CASK: variants seen among roughly 807,000 people sequenced by gnomAD.
The protein encoded by CASK is peripheral plasma membrane protein CASK.
Under a neutral mutation model 82.9 loss-of-function variants are expected in CASK, and 4 were observed. The ratio of observed to expected loss-of-function variants is 0.05; its 90% confidence interval spans 0.02 to 0.11. CASK has a LOEUF of 0.11. Among genes scored for constraint, CASK ranks in the 10% least tolerant of loss-of-function variants. The pLI is 1.00. For synonymous variants in CASK, 259 were observed against 253.5 expected, an observed-to-expected ratio of 1.02 and a Z score of -0.20; for missense variants, 358 against 720.9, an observed-to-expected ratio of 0.50 and a Z score of 5.76.
intron 5 of CASK, chrX:41,695,840 G>A (rs768259804): frequency 1.5e-5 from 18 of 1,201,361 alleles, no homozygotes; most frequent in Non-Finnish European, 1.9e-5. Flanking sequence ...TCGTGGGACT[G>A]GTTGGGAACA....
rs1488910840 is a variant in CASK at position 41,804,666 on chromosome X, G to A, written c.173-17383C>T. Among the ~76,000 whole-genome samples the A allele has an allele frequency of 3.6e-5, 4 of 111,364 alleles. No individual in the cohort carries two copies. The East Asian group carries it at 1.1e-3, about 31-fold the overall frequency. ...TGTAAGTAGTTCAACACAGGTCCTG[G>A]CTCTCTTCTTTTTTGGGAAGGGTTA... On this transcript the variant is annotated intron_variant, in intron 2 of 26. Transcript: ENST00000378163.
At chrX:41,864,865 C>T (rs1012368647) in intron 1 of CASK, among the ~76,000 whole-genome samples, 1 of 111,910 alleles carries the variant, frequency 8.9e-6, no homozygotes, top group African/African-American at 3.3e-5. Flanking sequence ...AGCATGCAAA[C>T]GAAATAACCA....
At chrX:41,715,281 T>C (rs989299251) in intron 5 of CASK, among the ~76,000 whole-genome samples, 1 of 111,439 alleles carries the variant, frequency 9.0e-6, no homozygotes, top group African/African-American at 3.3e-5. Flanking sequence ...CCTATGGAAA[T>C]TTGAGGAGTG....
At chrX:41,639,456 C>T (rs1044741934) in intron 8 of CASK, among the ~76,000 whole-genome samples, 1 of 92,209 alleles carries the variant, frequency 1.1e-5, no homozygotes, top group Non-Finnish European at 2.2e-5. Context: ...AAAAAAAAAG[C>T]GGGAAGACTA....
chrX:41,836,284 A>T (rs2070926078), intron 2 of CASK, among the ~76,000 whole-genome samples: 2 of 112,374 alleles, frequency 1.8e-5, no homozygotes, highest in Admixed American at 1.9e-4. Flanking sequence ...TAATTAAATG[A>T]CTATTATGAT....
At chrX:41,736,273 T>C (rs961210005) in intron 5 of CASK, among the ~76,000 whole-genome samples, 2 of 111,901 alleles carry the variant, frequency 1.8e-5, no homozygotes, top group African/African-American at 6.5e-5. Flanking sequence ...GGTAAGAAGA[T>C]TGCTTAAGCC....
chrX:41,660,922 A>C (rs954969133), intron 7 of CASK, among the ~76,000 whole-genome samples: 56 of 112,472 alleles, frequency 5.0e-4, no homozygotes, highest in African/African-American at 1.7e-3. Context: ...AAAATTTTTA[A>C]AGAAATATTT....
rs565066105 is a variant in CASK at position 41,530,868 on chromosome X, G to A, written c.2520+139C>T. 8.1e-5 allele frequency: 45 copies of A among 554,781 alleles called. No homozygotes were observed. The Admixed American group carries it at 9.6e-4, about 12-fold the overall frequency. The allele number at this position is 554,781 out of a possible 1,213,427, so 45.7% of individuals were successfully genotyped here. A position where few individuals can be genotyped will look rare whatever the true frequency, so the allele number is the denominator to read the frequency against. On this transcript the variant is annotated intron_variant, in intron 25 of 26. Transcript: ENST00000378163. ...GCATTCTAGACTGTGAACCCCCAAC[G>A]CCTCCATTACTGATACTTTTCTGTG...
chrX:41,867,947 A>C (rs1164738323), intron 1 of CASK, among the ~76,000 whole-genome samples: 2 of 112,400 alleles, frequency 1.8e-5, no homozygotes. Context: ...ACCAGAAAAT[A>C]TCATTAAATG....
intron 5 of CASK, among the ~76,000 whole-genome samples, chrX:41,705,019 G>A: frequency 8.9e-6 from 1 of 112,214 alleles, no homozygotes; most frequent in Non-Finnish European, 1.9e-5. Flanking sequence ...AAATGGAATG[G>A]CTAGAAGCTG....
chrX:41,565,159 A>C (rs1440532394), intron 16 of CASK, among the ~76,000 whole-genome samples: 3 of 112,010 alleles, frequency 2.7e-5, no homozygotes, highest in Non-Finnish European at 5.6e-5. Flanking sequence ...ACACCCTAGC[A>C]TCACGATTAA....
At chrX:41,662,255 A>G (rs1234984242) in intron 7 of CASK, among the ~76,000 whole-genome samples, 4 of 111,869 alleles carry the variant, frequency 3.6e-5, no homozygotes, top group African/African-American at 1.3e-4. Flanking sequence ...ATGACATTAC[A>G]CTTCTTATAT....
intron 5 of CASK, among the ~76,000 whole-genome samples, chrX:41,692,705 T>A (rs5964035): frequency 0.01 from 1,131 of 112,236 alleles, 13 homozygotes; most frequent in African/African-American, 0.034. Context: ...CTTTTCTAAG[T>A]GTGCTGCTGT....
At chrX:41,781,770 G>A (rs1204744579) in intron 3 of CASK, among the ~76,000 whole-genome samples, 3 of 111,814 alleles carry the variant, frequency 2.7e-5, no homozygotes, top group African/African-American at 9.7e-5. Flanking sequence ...GATATTTTTG[G>A]TTTGTTTGAA....
intron 2 of CASK, among the ~76,000 whole-genome samples, chrX:41,845,180 T>A (rs1315725981): frequency 8.9e-6 from 1 of 112,249 alleles, no homozygotes; most frequent in Non-Finnish European, 1.9e-5. Context: ...GTTCTACAGA[T>A]GTCTGTTAGG....
chrX:41,534,981 G>A lies in CASK; in HGVS notation c.2156-8C>T, dbSNP rs375109851. On this transcript the variant is annotated splice_polypyrimidine_tract_variant and splice_region_variant and intron_variant, in intron 22 of 26. Transcript: ENST00000378163. ...GATCTAATTGATCAAACACTAAAAC[G>A]CAAAGATTTAGAAGAAAGGTAAATT... 7.2e-6 allele frequency: 8 copies of A among 1,115,538 alleles called. No homozygotes were observed. In the African/African-American group the frequency reaches 7.2e-5, roughly 10 times the overall value. The allele number at this position is 1,115,538 out of a possible 1,213,427, so 91.9% of individuals were successfully genotyped here.
At chrX:41,578,294 T>C in intron 15 of CASK, 46 bp downstream of exon 15, 3 of 970,905 alleles carry the variant, frequency 3.1e-6, no homozygotes, top group Non-Finnish European at 4.4e-6. Context: ...ATATAACTCA[T>C]GCTGGGATCT....
chrX:41,915,537 C>A (rs1318760433), intron 1 of CASK, among the ~76,000 whole-genome samples: 1 of 112,417 alleles, frequency 8.9e-6, no homozygotes, highest in Non-Finnish European at 1.9e-5. Context: ...AGAATTGAGA[C>A]AGACTCACTA....
rs1483394485 is a variant in CASK at position 41,840,984 on chromosome X, C to A, written c.172+12131G>T. Among the ~76,000 whole-genome samples the A allele has an allele frequency of 2.7e-5, 3 of 112,059 alleles. No individual in the cohort carries two copies. In the Admixed American group the frequency reaches 2.8e-4, roughly 11 times the overall value. ...GGTTTGTTTCCACATTTGCCTGCTA[C>A]AAATAATGCTGCAATGACTATTCAT... On this transcript the variant is annotated intron_variant, in intron 2 of 26. Coordinates refer to ENST00000378163, the MANE Select transcript of CASK (RefSeq NM_001367721.1).
Sources: allele counts gnomAD v4.1 joint callset (sites outside exome capture counted in the v4.1 genomes callset), GRCh38; gene constraint gnomAD v4.1.1; transcripts MANE v1.5; gene names NCBI Gene and HGNC (gene_info 2026-07-23, HGNC 2026-07-21).